CMIP: variants seen among roughly 807,000 people sequenced by gnomAD.
The protein encoded by CMIP is C-Maf-inducing protein.
A neutral mutation model predicts 97.3 loss-of-function variants in CMIP; 13 were observed. That is an observed-to-expected ratio of 0.13 (90% CI 0.09 to 0.21). CMIP has a LOEUF of 0.21. Ranked by LOEUF, CMIP falls within the 10% of genes least tolerant of loss-of-function variation. The pLI is 1.00. For synonymous variants in CMIP, 538 were observed against 436.3 expected (o/e 1.23, Z -2.91); for missense variants, 847 against 1,024.9 (o/e 0.83, Z 2.37).
chr16:81,476,894 G>C (rs16955430), intron 1 of CMIP, among the ~76,000 whole-genome samples: 24,461 of 151,942 alleles, frequency 0.16, 2,043 homozygotes, highest in Non-Finnish European at 0.17. Flanking sequence ...AGCTTCTCAG[G>C]CTCCCTAAGG....
At chr16:81,491,411 C>T (rs2089404108) in intron 1 of CMIP, among the ~76,000 whole-genome samples, 1 of 152,222 alleles carries the variant, frequency 6.6e-6, no homozygotes, top group Admixed American at 6.5e-5. Flanking sequence ...TGCTTCCTTA[C>T]AGAGCTTTTG....
At chr16:81,583,519 A>C (rs1488567932) in intron 1 of CMIP, among the ~76,000 whole-genome samples, 1 of 152,232 alleles carries the variant, frequency 6.6e-6, no homozygotes, top group Non-Finnish European at 1.5e-5. Flanking sequence ...AGAGAGCGGG[A>C]CCAGCACTCA....
rs529404433 is a variant in CMIP at position 81,505,506 on chromosome 16, T to C, written c.300+59965T>C. On this transcript the variant is annotated intron_variant, in intron 1 of 20. Coordinates refer to ENST00000537098, the MANE Select transcript of CMIP (RefSeq NM_198390.3). ...CTCAGCTGGGACCTGCTGGGCCGAGTTTCTGGTCCCTCTTGGAGCTTTAGT... is the reference window on the plus strand; with the variant it reads ...CTCAGCTGGGACCTGCTGGGCCGAGCTTCTGGTCCCTCTTGGAGCTTTAGT... Among the ~76,000 whole-genome samples, 10 of 152,252 alleles carry C rather than the reference T, an allele frequency of 6.6e-5. No homozygotes were observed. In the East Asian group the frequency reaches 1.9e-3, roughly 29 times the overall value.
At chr16:81,672,631 A>G (rs1298831028) in intron 9 of CMIP, among the ~76,000 whole-genome samples, 2 of 152,138 alleles carry the variant, frequency 1.3e-5, no homozygotes, top group Non-Finnish European at 2.9e-5. Context: ...GCGGCAATAC[A>G]GTGGTGCAGT....
chr16:81,670,059 C>T lies in CMIP; in HGVS notation c.826-83C>T, dbSNP rs1472108529. The stretch of plus-strand genomic sequence containing the variant: ...CAGCTCCAGGCAGAGCTCGGTCCCG[C>T]CCTTCTTTCTGGTGTCCTGGCTGCC... On this transcript the variant is annotated intron_variant, in intron 7 of 20. Transcript: ENST00000537098. 5 of 1,341,186 alleles carry T rather than the reference C, an allele frequency of 3.7e-6. No individual in the cohort carries two copies. The South Asian group carries it at 3.9e-5, about 11-fold the overall frequency. The allele number at this position is 1,341,186 out of a possible 1,614,324, so 83.1% of individuals were successfully genotyped here.
intron 1 of CMIP, among the ~76,000 whole-genome samples, chr16:81,527,878 T>C (rs754242735): frequency 1.3e-5 from 2 of 152,230 alleles, no homozygotes; most frequent in Non-Finnish European, 2.9e-5. Context: ...TGAATAATAC[T>C]GCTAGGAAGT....
At chr16:81,659,866 C>T (rs1396149526) in intron 5 of CMIP, among the ~76,000 whole-genome samples, 1 of 152,188 alleles carries the variant, frequency 6.6e-6, no homozygotes, top group Non-Finnish European at 1.5e-5. Flanking sequence ...TTTACAGCCT[C>T]CCCTTCCAGC....
intron 10 of CMIP, among the ~76,000 whole-genome samples, chr16:81,685,025 G>C (rs1461934768): frequency 6.6e-6 from 1 of 152,240 alleles, no homozygotes; most frequent in African/African-American, 2.4e-5. Flanking sequence ...CCGTCACAGA[G>C]AGGCCCATGC....
In CMIP at chr16:81,708,886, A is replaced by G. The variant is rs368181823; in HGVS notation, c.2269-860A>G. Among the ~76,000 whole-genome samples the G allele has an allele frequency of 5.2e-4, 79 of 152,322 alleles. 1 individual carries two copies. Among genetic ancestry groups the G allele is most frequent in the African/African-American group, 1.7e-3 (72 of 41,574 alleles). On this transcript the variant is annotated intron_variant, in intron 20 of 20. Transcript: ENST00000537098. ...AGCAGCAGCGAGGAATTGCATGTGC[A>G]TGTGTGTATGTGTGTGTGTTCATGC...
intron 1 of CMIP, among the ~76,000 whole-genome samples, chr16:81,480,735 TTC>T (rs1236075234): frequency 6.6e-6 from 1 of 152,162 alleles, no homozygotes; most frequent in Non-Finnish European, 1.5e-5. Context: ...CTGATTCACG[TTC>T]TCTCATTTTA....
chr16:81,597,857 C>T (rs753806723), intron 1 of CMIP, among the ~76,000 whole-genome samples: 1 of 152,034 alleles, frequency 6.6e-6, no homozygotes, highest in Non-Finnish European at 1.5e-5. Flanking sequence ...CATCTGTCTC[C>T]CCCCCAGCTT....
At chr16:81,688,028 G>T (rs754161032) in intron 10 of CMIP, among the ~76,000 whole-genome samples, 1 of 152,228 alleles carries the variant, frequency 6.6e-6, no homozygotes, top group South Asian at 2.1e-4. Flanking sequence ...CGCAGGCAGC[G>T]CAGAGCGAAT....
chr16:81,708,216 G>C (rs1183223499), intron 20 of CMIP, among the ~76,000 whole-genome samples: 1 of 152,240 alleles, frequency 6.6e-6, no homozygotes, highest in African/African-American at 2.4e-5. Flanking sequence ...GGACACAGAA[G>C]GTGGCAGGGG....
chr16:81,546,485 C>G (rs2090548350), intron 1 of CMIP, among the ~76,000 whole-genome samples: 1 of 152,164 alleles, frequency 6.6e-6, no homozygotes, highest in Admixed American at 6.5e-5. Flanking sequence ...GGAGAAGAGG[C>G]TCTCAGTTGC....
intron 4 of CMIP, among the ~76,000 whole-genome samples, chr16:81,654,687 G>C (rs1597203124): frequency 6.6e-6 from 1 of 152,172 alleles, no homozygotes; most frequent in African/African-American, 2.4e-5. Flanking sequence ...ACCCTGCAAG[G>C]TAAGTATTAA....
rs1410722548 is a variant in CMIP, at chr16:81,693,309, AC to A, written c.1481+126del. 2.1e-6 allele frequency: 3 copies of A among 1,405,948 alleles called. No individual in the cohort carries two copies. In the African/African-American group the frequency reaches 4.3e-5, roughly 20 times the overall value. 87.1% of individuals were successfully genotyped at this position (1,405,948 alleles called of 1,614,324 possible). On this transcript the variant is annotated intron_variant, in intron 12 of 20. Coordinates refer to ENST00000537098, the MANE Select transcript of CMIP (RefSeq NM_198390.3). ...CTCCTCTTGGCAGTTCTCTTGAGACACGTGTCCCTGATCCACCGCCTTGCCC... is the reference window on the plus strand; with the variant it reads ...CTCCTCTTGGCAGTTCTCTTGAGACAGTGTCCCTGATCCACCGCCTTGCCC...
At chr16:81,681,602 T>C (rs1904880915) in intron 10 of CMIP, among the ~76,000 whole-genome samples, 1 of 152,250 alleles carries the variant, frequency 6.6e-6, no homozygotes, top group Non-Finnish European at 1.5e-5. Context: ...CCGTTTATGA[T>C]GCAGCCATGT....
At chr16:81,542,775 C>T (rs144434432) in intron 1 of CMIP, among the ~76,000 whole-genome samples, 2,855 of 152,284 alleles carry the variant, frequency 0.019, 103 homozygotes, top group Admixed American at 0.099. Context: ...GGGGCCCCAA[C>T]TTCATGACCT....
intron 1 of CMIP, among the ~76,000 whole-genome samples, chr16:81,500,788 C>T (rs1324034771): frequency 1.3e-5 from 2 of 151,990 alleles, no homozygotes; most frequent in African/African-American, 4.8e-5. Context: ...TGTGCCCTCC[C>T]CGGCCCACTG....
Sources: allele counts gnomAD v4.1 joint callset (sites outside exome capture counted in the v4.1 genomes callset), GRCh38; gene constraint gnomAD v4.1.1; transcripts MANE v1.5; gene names NCBI Gene and HGNC (gene_info 2026-07-23, HGNC 2026-07-21).